The following MYO5B variants were observed in gnomAD, a reference collection of about 807,000 sequenced individuals.
MYO5B encodes the protein unconventional myosin-Vb.
MYO5B carries 143 observed loss-of-function variants against 229.3 expected under a neutral mutation model. That is an observed-to-expected ratio of 0.62 (90% CI 0.54 to 0.72). The LOEUF (loss-of-function observed/expected upper bound fraction) is 0.72. Among genes scored for constraint, MYO5B ranks in the 30% least tolerant of loss-of-function variants. The probability of loss-of-function intolerance (pLI) is 0.00; values close to 1 mark genes in which losing one functional copy is unlikely to be tolerated. For synonymous variants in MYO5B, 918 were observed against 885.2 expected (o/e 1.04, Z -0.66); for missense variants, 2,321 against 2,331.0 (o/e 1.00, Z 0.09).
chr18:50,059,271 A>G (rs2030628135), intron 1 of MYO5B, among the ~76,000 whole-genome samples: 1 of 152,228 alleles, frequency 6.6e-6, no homozygotes, highest in Admixed American at 6.5e-5. Flanking sequence ...GATAAGTACC[A>G]TGTAACAAAG....
At chr18:50,028,561 A>G (rs1466120786) in intron 4 of MYO5B, among the ~76,000 whole-genome samples, 1 of 152,248 alleles carries the variant, frequency 6.6e-6, no homozygotes, top group African/African-American at 2.4e-5. Context: ...AATGATCATT[A>G]TCCTGGACAG....
chr18:50,035,056 G>T (rs920029568), intron 4 of MYO5B, among the ~76,000 whole-genome samples: 1 of 152,098 alleles, frequency 6.6e-6, no homozygotes, highest in African/African-American at 2.4e-5. Flanking sequence ...TGGGTGCAAA[G>T]GTCTCAAGCA....
At chr18:49,841,296 T>A in intron 35 of MYO5B, 69 bp downstream of exon 35, 2 of 1,456,240 alleles carry the variant, frequency 1.4e-6, no homozygotes, top group Non-Finnish European at 1.9e-6. Flanking sequence ...TCTGAGGGTA[T>A]ACAAAGCACT....
At chr18:49,941,763 T>C (rs1273167359) in intron 14 of MYO5B, among the ~76,000 whole-genome samples, 1 of 151,112 alleles carries the variant, frequency 6.6e-6, no homozygotes, top group African/African-American at 2.4e-5. Flanking sequence ...CAAGGTAATT[T>C]ACAGATTCAA....
chr18:50,071,338 A>T (rs2030953756), intron 1 of MYO5B, among the ~76,000 whole-genome samples: 1 of 152,158 alleles, frequency 6.6e-6, no homozygotes, highest in Admixed American at 6.5e-5. Context: ...TACTATATTC[A>T]CTTGTACAGA....
chr18:49,914,934 C>G (rs1271420607), intron 17 of MYO5B, among the ~76,000 whole-genome samples: 2 of 152,116 alleles, frequency 1.3e-5, no homozygotes, highest in African/African-American at 4.8e-5. Flanking sequence ...AGCATTGCGG[C>G]CCTTGGGTTC....
intron 4 of MYO5B, among the ~76,000 whole-genome samples, chr18:50,035,931 C>G (rs915406735): frequency 3.3e-5 from 5 of 152,142 alleles, no homozygotes; most frequent in Non-Finnish European, 7.4e-5. Context: ...GCCCATAAAA[C>G]AGTCTTCCCT....
chr18:50,182,675 C>T (rs563620346), intron 1 of MYO5B, among the ~76,000 whole-genome samples: 1 of 152,312 alleles, frequency 6.6e-6, no homozygotes, highest in East Asian at 1.9e-4. Flanking sequence ...CTCCACATTC[C>T]ATAGACTTTG....
At chr18:50,009,495 C>A (rs1164237848) in intron 4 of MYO5B, among the ~76,000 whole-genome samples, 3 of 151,898 alleles carry the variant, frequency 2.0e-5, no homozygotes, top group African/African-American at 4.8e-5. Flanking sequence ...ATATAAAAAA[C>A]CTATTATAGT....
chr18:50,036,708 C>T, intron 4 of MYO5B, 142 bp downstream of exon 4: 1 of 936,006 alleles, frequency 1.1e-6, no homozygotes, highest in Non-Finnish European at 1.7e-6. Context: ...GGCAGTAGAA[C>T]TTGGGCTGCT....
At chr18:49,994,276 T>C (rs1049234334) in intron 5 of MYO5B, among the ~76,000 whole-genome samples, 10 of 152,222 alleles carry the variant, frequency 6.6e-5, no homozygotes, top group African/African-American at 2.4e-4. Flanking sequence ...GCACAGACTC[T>C]GTAGCACCCA....
intron 9 of MYO5B, among the ~76,000 whole-genome samples, chr18:49,975,514 T>A (rs1427827058): frequency 6.6e-6 from 1 of 152,176 alleles, no homozygotes; most frequent in African/African-American, 2.4e-5. Flanking sequence ...TCATTGATGC[T>A]AAAATCATAG....
At chr18:50,068,580 A>G (rs1388721536) in intron 1 of MYO5B, among the ~76,000 whole-genome samples, 1 of 152,228 alleles carries the variant, frequency 6.6e-6, no homozygotes, top group East Asian at 1.9e-4. Context: ...GAATGAAAGA[A>G]AAGGAAGCAC....
intron 1 of MYO5B, among the ~76,000 whole-genome samples, chr18:50,109,371 GCT>G (rs1248964785): frequency 6.6e-6 from 1 of 151,940 alleles, no homozygotes; most frequent in Non-Finnish European, 1.5e-5. Flanking sequence ...CACAAAACAT[GCT>G]CTGTCACCAA....
At chr18:49,935,973 G>A (rs1011120585) in intron 16 of MYO5B, among the ~76,000 whole-genome samples, 2 of 152,214 alleles carry the variant, frequency 1.3e-5, no homozygotes, top group Admixed American at 6.5e-5. Flanking sequence ...TGTACTCATG[G>A]CTACATTTAA....
chr18:49,890,831 C>T (rs2024704283), intron 22 of MYO5B, among the ~76,000 whole-genome samples: 1 of 152,156 alleles, frequency 6.6e-6, no homozygotes, highest in Non-Finnish European at 1.5e-5. Context: ...TGAGAATGTT[C>T]TTCTAAGTAA....
At chr18:49,913,922 G>C (rs895892482) in intron 17 of MYO5B, among the ~76,000 whole-genome samples, 4 of 151,734 alleles carry the variant, frequency 2.6e-5, no homozygotes, top group African/African-American at 9.7e-5. Flanking sequence ...GAGAAGTTTG[G>C]CCACTGGATG....
intron 17 of MYO5B, among the ~76,000 whole-genome samples, chr18:49,927,041 G>A (rs184280340): frequency 2.0e-5 from 3 of 152,280 alleles, no homozygotes; most frequent in Admixed American, 1.3e-4. Context: ...TGTTAATGCC[G>A]CAGTTTCAGT....
rs1358543851 is a variant in MYO5B, at chr18:49,872,147, C to T, written c.3603+20G>A. The T allele has an allele frequency of 6.2e-7, 1 of 1,612,976 alleles. No homozygotes were observed. The highest frequency in any genetic ancestry group is 1.3e-5 in the African/African-American group (1 of 75,008). ...CTGCCAGGGGAGTGTTCCAGGAAGCCTGTCCCCCAAGAATCTTACCTTCAG... is the reference window on the plus strand; with the variant it reads ...CTGCCAGGGGAGTGTTCCAGGAAGCTTGTCCCCCAAGAATCTTACCTTCAG... On this transcript the variant is annotated intron_variant, in intron 27 of 39. Transcript: ENST00000285039.
Sources: allele counts gnomAD v4.1 joint callset (sites outside exome capture counted in the v4.1 genomes callset), GRCh38; gene constraint gnomAD v4.1.1; transcripts MANE v1.5; gene names NCBI Gene and HGNC (gene_info 2026-07-23, HGNC 2026-07-21).